The following UXS1 variants were observed in gnomAD, a reference collection of about 807,000 sequenced individuals.
UXS1 encodes UDP-glucuronate decarboxylase 1.
Under a neutral mutation model 62.6 loss-of-function variants are expected in UXS1, and 33 were observed. The ratio of observed to expected loss-of-function variants is 0.53; its 90% CI spans 0.40 to 0.70. UXS1 has a LOEUF of 0.70. Ranked by LOEUF, UXS1 falls within the 30% of genes least tolerant of loss-of-function variation. The pLI, the probability that UXS1 is intolerant of heterozygous loss-of-function variation, is 0.00. For synonymous variants in UXS1, 213 were observed against 206.8 expected (o/e 1.03, Z -0.26); for missense variants, 434 against 556.3 (o/e 0.78, Z 2.21).
intron 10 of UXS1, among the ~76,000 whole-genome samples, chr2:106,108,559 C>G (rs538951433): frequency 1.2e-4 from 18 of 152,308 alleles, no homozygotes; most frequent in African/African-American, 4.3e-4. Flanking sequence ...CATTGTTCTT[C>G]TAACAGAAGA....
chr2:106,112,517 G>C, intron 10 of UXS1, 129 bp downstream of exon 10: 1 of 1,405,702 alleles, frequency 7.1e-7, no homozygotes, highest in African/African-American at 1.4e-5. Flanking sequence ...CCTTAGTGGA[G>C]GGTAGCGGGT....
intron 1 of UXS1, among the ~76,000 whole-genome samples, chr2:106,167,590 CAG>C (rs546831439): frequency 4.3e-4 from 65 of 151,182 alleles, no homozygotes; most frequent in Middle Eastern, 6.8e-3. Context: ...TCTCTTCAAA[CAG>C]AGGAGAAAAC....
chr2:106,141,776 T>C (rs560043699), intron 6 of UXS1, among the ~76,000 whole-genome samples: 1 of 152,168 alleles, frequency 6.6e-6, no homozygotes, highest in South Asian at 2.1e-4. Flanking sequence ...TTTAAAATAA[T>C]TGAACCATAT....
intron 14 of UXS1, among the ~76,000 whole-genome samples, chr2:106,095,866 G>A (rs1573380072): frequency 6.6e-6 from 1 of 152,236 alleles, no homozygotes; most frequent in Non-Finnish European, 1.5e-5. Flanking sequence ...GGAGGAGCCT[G>A]CAGTCACCCA....
chr2:106,193,498 AAGC>A (rs1394298458), intron 1 of UXS1, among the ~76,000 whole-genome samples: 5 of 151,906 alleles, frequency 3.3e-5, no homozygotes, highest in African/African-American at 1.2e-4. Flanking sequence ...GCGCACAGAG[AAGC>A]TGCAGGCACG....
At chr2:106,145,435 G>C in intron 5 of UXS1, 65 bp from the exon 6 acceptor site, 2 of 1,501,684 alleles carry the variant, frequency 1.3e-6, no homozygotes, top group Non-Finnish European at 1.8e-6. Context: ...GTGAGGACCA[G>C]CTCCACGGAG....
intron 1 of UXS1, among the ~76,000 whole-genome samples, chr2:106,193,074 C>T (rs940827188): frequency 2.6e-4 from 39 of 152,248 alleles, no homozygotes; most frequent in African/African-American, 9.4e-4. Context: ...ACCCGGAGTC[C>T]TGCTGGGGTT....
intron 1 of UXS1, among the ~76,000 whole-genome samples, chr2:106,191,017 T>G (rs1684894666): frequency 6.6e-6 from 1 of 151,768 alleles, no homozygotes; most frequent in South Asian, 2.1e-4. Flanking sequence ...TAAGACACAA[T>G]CCCTGTCCTC....
chr2:106,165,245 C>T, intron 2 of UXS1, among the ~76,000 whole-genome samples: 1 of 152,046 alleles, frequency 6.6e-6, no homozygotes. Context: ...TGTCAGGAGA[C>T]ACACACATGC....
intron 7 of UXS1, among the ~76,000 whole-genome samples, chr2:106,126,105 C>T (rs1020083150): frequency 6.6e-6 from 1 of 152,166 alleles, no homozygotes; most frequent in African/African-American, 2.4e-5. Context: ...TTCTAACTGC[C>T]CATGCCACCC....
intron 5 of UXS1, among the ~76,000 whole-genome samples, chr2:106,155,222 C>G (rs1268574960): frequency 1.3e-5 from 2 of 152,086 alleles, no homozygotes; most frequent in East Asian, 1.9e-4. Flanking sequence ...CGAACTCTAT[C>G]AACATATTTA....
chr2:106,114,612 C>T lies in UXS1; in HGVS notation c.760-1847G>A, dbSNP rs190577448. Among the ~76,000 whole-genome samples, 31 of 152,326 alleles carry T rather than the reference C, an allele frequency of 2.0e-4. No homozygotes were observed. The East Asian group carries it at 4.6e-3, about 23-fold the overall frequency. ...GGCAAAATTTGCAGCAAATCAAATGCTTTTATCTTCTTGACGTTCCCTTTC... is the reference window on the plus strand; with the variant it reads ...GGCAAAATTTGCAGCAAATCAAATGTTTTTATCTTCTTGACGTTCCCTTTC... On this transcript the variant is annotated intron_variant, in intron 9 of 14. Transcript: ENST00000283148.
At position 106,123,074 on chromosome 2, in the gene UXS1, G is replaced by C; in HGVS notation, c.655C>G (p.Gln219Glu). The change falls in exon 9 of 15, where the codon CAA becomes GAA. Residue 219 changes from glutamine (Q) to glutamate (E), a missense_variant. Around this residue, in one of 3 missense-constraint regions of UXS1, gnomAD observed 134 missense variants for 251.9 expected, o/e 0.53. Transcript: ENST00000283148. Reference protein sequence around the residue: ...EVYGDPEVHPQSEDYWGHVNP... With the variant: ...EVYGDPEVHPESEDYWGHVNP... ...ACGTGGCCCCAGTAATCCTCACTTT[G>C]AGGGTGGACTTCAGGATCTACGATG... 1 of 1,613,940 alleles carries C rather than the reference G, an allele frequency of 6.2e-7. No individual in the cohort carries two copies. Among genetic ancestry groups the C allele is most frequent in the Non-Finnish European group, 8.5e-7 (1 of 1,179,864 alleles).
intron 1 of UXS1, among the ~76,000 whole-genome samples, chr2:106,190,600 G>A (rs905029728): frequency 2.6e-5 from 4 of 151,932 alleles, no homozygotes; most frequent in Admixed American, 6.6e-5. Context: ...AAAATTAGCC[G>A]GGCGTGGTGG....
At position 106,094,075 on chromosome 2, in the gene UXS1, G is replaced by A. The variant is rs372232366; in HGVS notation, c.1229C>T (p.Pro410Leu). The change falls in exon 15 of 15, where the codon CCC becomes CTC. Residue 410 changes from proline to leucine, a missense_variant. Coordinates refer to ENST00000283148, the MANE Select transcript of UXS1 (RefSeq NM_001253875.2). ...CTTTATTCTGGCAGGCTTTGGTTTGGGGATGTACTGATTATTTGCCTGGTA... is the reference window on the plus strand; with the variant it reads ...CTTTATTCTGGCAGGCTTTGGTTTGAGGATGTACTGATTATTTGCCTGGTA... ...LEYQANNQYI[P>L]KPKPARIKKG... is the part of the protein sequence containing the mutation. 74 of 1,613,410 alleles carry A rather than the reference G, an allele frequency of 4.6e-5. No individual in the cohort carries two copies. The highest frequency in any genetic ancestry group is 5.3e-5 in the Non-Finnish European group (63 of 1,179,804).
intron 7 of UXS1, among the ~76,000 whole-genome samples, chr2:106,128,922 T>C (rs1421214277): frequency 2.0e-5 from 3 of 152,222 alleles, no homozygotes; most frequent in African/African-American, 7.2e-5. Context: ...TATACTTAAA[T>C]CCATCATTTA....
rs201415514 is a variant in UXS1 at position 106,106,025 on chromosome 2, G to A, written c.880-1188C>T. 2.3e-3 allele frequency among the ~76,000 whole-genome samples: 357 copies of A among 152,208 alleles called. 1 individual carries two copies. Among genetic ancestry groups the A allele is most frequent in the Non-Finnish European group, 3.9e-3 (264 of 68,008 alleles). ...CAGCCTGGCTTTCCCAGAGCTCCCC[G>A]CTCCAGCTCTGAGAAGGAAAAGGGG... On this transcript the variant is annotated intron_variant, in intron 10 of 14. Coordinates refer to ENST00000283148, the MANE Select transcript of UXS1 (RefSeq NM_001253875.2).
intron 1 of UXS1, among the ~76,000 whole-genome samples, chr2:106,187,597 T>G (rs1684643490): frequency 6.6e-6 from 1 of 152,180 alleles, no homozygotes; most frequent in African/African-American, 2.4e-5. Flanking sequence ...TTTCATATGG[T>G]TTTCAGGTTT....
At chr2:106,113,671 C>G (rs1010385105) in intron 9 of UXS1, among the ~76,000 whole-genome samples, 3 of 152,184 alleles carry the variant, frequency 2.0e-5, no homozygotes, top group Admixed American at 6.5e-5. Flanking sequence ...ACAGTGTATA[C>G]GTATCTAATG....
Sources: gnomAD v4.1 joint callset for allele counts (sites outside exome capture counted in the v4.1 genomes callset) on GRCh38, gnomAD v4.1.1 for gene constraint, gnomAD v4.1.1 regional missense constraint, MANE v1.5 for transcripts, NCBI Gene and HGNC (gene_info 2026-07-23, HGNC 2026-07-21) for gene names.